The following POU2AF1 variants were observed in gnomAD, a reference collection of about 807,000 sequenced individuals.
POU2AF1 encodes POU class 2 homeobox associating factor 1.
In POU2AF1, 12 loss-of-function variants were observed where a neutral mutation model predicts 26.3. The ratio of observed to expected loss-of-function variants is 0.46; its 90% confidence interval spans 0.29 to 0.74. The LOEUF (loss-of-function observed/expected upper bound fraction) is 0.74, where lower values mean the gene tolerates loss of function less well. Among genes scored for constraint, POU2AF1 ranks in the 30% least tolerant of loss-of-function variants. The probability of loss-of-function intolerance (pLI) is 0.09; values close to 1 mark genes in which losing one functional copy is unlikely to be tolerated. For synonymous variants in POU2AF1, 175 were observed against 148.0 expected, an observed-to-expected ratio of 1.18 and a Z score of -1.32; for missense variants, 297 against 334.5, an observed-to-expected ratio of 0.89 and a Z score of 0.87.
intron 1 of POU2AF1, chr11:111,359,891 A>G (rs1860971693): frequency 2.0e-6 from 1 of 506,692 alleles, no homozygotes; most frequent in African/African-American, 1.9e-5. Context: ...TCTTCCCTTC[A>G]CCTCTCCTAC....
Position 111,352,707 on chromosome 11 carries a change from G to A in POU2AF1, c.*1554C>T, listed in dbSNP as rs376831999. ...TCCCAGCACTCTGAGAGGCTGAGGC[G>A]GGCGGATCACAAGGTCAGGAGTTCG... On this transcript the variant is annotated 3_prime_UTR_variant, in exon 5 of 5. Transcript: ENST00000393067. The A allele has an allele frequency of 4.6e-4, 79 of 170,220 alleles. 1 individual carries two copies. Among genetic ancestry groups the A allele is most frequent in the Middle Eastern group, 2.4e-3 (1 of 422 alleles). The allele number at this position is 170,220 out of a possible 1,614,324, so 10.5% of individuals were successfully genotyped here.
intron 1 of POU2AF1, among the ~76,000 whole-genome samples, chr11:111,365,716 G>C (rs1409534914): frequency 1.3e-5 from 2 of 152,142 alleles, no homozygotes; most frequent in African/African-American, 2.4e-5. Flanking sequence ...AATTAGCTGG[G>C]TGCGGTGGCA....
chr11:111,358,631 C>A (rs1012492945), intron 2 of POU2AF1, among the ~76,000 whole-genome samples, 157 bp downstream of exon 2: 8 of 151,632 alleles, frequency 5.3e-5, no homozygotes, highest in Non-Finnish European at 1.0e-4. Context: ...TACACATTCT[C>A]TCTCACACTA....
chr11:111,362,384 T>C (rs764776966), intron 1 of POU2AF1, among the ~76,000 whole-genome samples: 15 of 152,218 alleles, frequency 9.9e-5, no homozygotes, highest in Admixed American at 2.0e-4. Context: ...CACCCTGTTG[T>C]GCTGTCAAAT....
chr11:111,354,619 G>T (rs1489480078), intron 4 of POU2AF1, 44 bp from the exon 5 acceptor site: 48 of 1,456,450 alleles, frequency 3.3e-5, no homozygotes, highest in Non-Finnish European at 3.8e-5. Flanking sequence ...AGCCCCAGGA[G>T]ACCCATCCAC....
chr11:111,376,363 G>A (rs1392380937), intron 1 of POU2AF1, among the ~76,000 whole-genome samples: 2 of 152,156 alleles, frequency 1.3e-5, no homozygotes, highest in African/African-American at 4.8e-5. Context: ...AGCTGGGGAG[G>A]GATGGTAATT....
chr11:111,365,196 T>C (rs1861082051), intron 1 of POU2AF1, among the ~76,000 whole-genome samples: 1 of 152,178 alleles, frequency 6.6e-6, no homozygotes. Context: ...TAACAATGGA[T>C]TCATGAGAGA....
chr11:111,375,390 C>CTTGTTTTTTTTT, intron 1 of POU2AF1, among the ~76,000 whole-genome samples: 1 of 79,486 alleles, frequency 1.3e-5, no homozygotes, highest in Non-Finnish European at 2.2e-5. Context: ...TACTGAGTAT[C>CTTGTTTTTTTTT]TTTTTTTTTT....
chr11:111,358,448 ACACACACTCT>A (rs1379919257), intron 2 of POU2AF1, among the ~76,000 whole-genome samples: 87 of 147,684 alleles, frequency 5.9e-4, no homozygotes, highest in South Asian at 1.9e-3. Context: ...ACTCTCACAC[ACACACACTCT>A]CTCACACACA....
At chr11:111,372,067 C>CAGAGAGAGAG (rs1192520089) in intron 1 of POU2AF1, among the ~76,000 whole-genome samples, 2 of 144,428 alleles carry the variant, frequency 1.4e-5, no homozygotes, top group African/African-American at 5.4e-5. Context: ...CACACACACA[C>CAGAGAGAGAG]ACAGAGAGAG....
chr11:111,364,590 C>T (rs369762416), intron 1 of POU2AF1, among the ~76,000 whole-genome samples: 99 of 152,346 alleles, frequency 6.5e-4, no homozygotes, highest in African/African-American at 2.3e-3. Context: ...AAAACAGCCT[C>T]CAAGGCACCC....
At chr11:111,355,050 C>T (rs1860816318) in intron 4 of POU2AF1, among the ~76,000 whole-genome samples, 1 of 152,204 alleles carries the variant, frequency 6.6e-6, no homozygotes, top group Non-Finnish European at 1.5e-5. Flanking sequence ...GACACAAAGA[C>T]AGTCCGGGCT....
intron 2 of POU2AF1, 110 bp downstream of exon 2, chr11:111,358,662 TCACACACAAACACATA>T: frequency 8.5e-7 from 1 of 1,179,538 alleles, no homozygotes; most frequent in Non-Finnish European, 1.2e-6. Context: ...ACACACTCTA[TCACACACAAACACATA>T]CACACACGCA....
At chr11:111,363,582 C>T (rs1014648385) in intron 1 of POU2AF1, 11 of 644,030 alleles carry the variant, frequency 1.7e-5, no homozygotes, top group South Asian at 1.4e-4. Context: ...TTGGGGATCC[C>T]GGATCCCTGA....
chr11:111,372,465 G>T (rs1184996332), intron 1 of POU2AF1, among the ~76,000 whole-genome samples: 2 of 152,116 alleles, frequency 1.3e-5, no homozygotes, highest in Non-Finnish European at 2.9e-5. Flanking sequence ...CTTTTACCAA[G>T]AATACTTCCT....
At chr11:111,366,504 AG>A (rs1861107854) in intron 1 of POU2AF1, among the ~76,000 whole-genome samples, 1 of 152,218 alleles carries the variant, frequency 6.6e-6, no homozygotes, top group African/African-American at 2.4e-5. Flanking sequence ...CAGATCACAA[AG>A]ATGGTGGCTG....
At chr11:111,375,682 C>A (rs943770102) in intron 1 of POU2AF1, among the ~76,000 whole-genome samples, 4 of 151,970 alleles carry the variant, frequency 2.6e-5, no homozygotes, top group African/African-American at 4.8e-5. Flanking sequence ...TACAGGCGCC[C>A]GCCACCGCAC....
At chr11:111,358,527 C>T (rs1009713060) in intron 2 of POU2AF1, among the ~76,000 whole-genome samples, 2 of 151,860 alleles carry the variant, frequency 1.3e-5, no homozygotes, top group South Asian at 2.1e-4. Context: ...CACTCACACA[C>T]GCCATCACAC....
rs1860771836 is a variant in POU2AF1, at chr11:111,353,284, GTTC to G, written c.*974_*976del. 4.3e-6 allele frequency: 1 copy of G among 233,374 alleles called. No homozygotes were observed. The highest frequency in any genetic ancestry group is 6.0e-5 in the East Asian group (1 of 16,586). 14.5% of individuals were successfully genotyped at this position (233,374 alleles called of 1,614,324 possible). On this transcript the variant is annotated 3_prime_UTR_variant, in exon 5 of 5. Coordinates refer to ENST00000393067, the MANE Select transcript of POU2AF1 (RefSeq NM_006235.3). Reference sequence around the variant, plus strand: ...AAGCAATGCTTTCCTTTAGTTTATTGTTCTTCTTAATAACCAAGTAATCTGGAG... The same window carrying G: ...AAGCAATGCTTTCCTTTAGTTTATTGTTCTTAATAACCAAGTAATCTGGAG...
Sources: allele counts gnomAD v4.1 joint callset (sites outside exome capture counted in the v4.1 genomes callset), GRCh38; gene constraint gnomAD v4.1.1; transcripts MANE v1.5; gene names NCBI Gene and HGNC (gene_info 2026-07-23, HGNC 2026-07-21).